Variants in EPHA5 observed in about 807,000 individuals in gnomAD.
EPHA5 encodes the protein ephrin type-A receptor 5.
EPHA5 carries 60 observed loss-of-function variants against 105.0 expected under a neutral mutation model. That is an observed-to-expected ratio of 0.57 (90% CI 0.46 to 0.71). The LOEUF is 0.71. EPHA5 is among the 30% of genes least tolerant of loss of function. The pLI is 0.00. For missense variants in EPHA5, 1,218 were observed against 1,274.7 expected, an observed-to-expected ratio of 0.96 and a Z score of 0.68; for synonymous variants, 513 against 449.1, an observed-to-expected ratio of 1.14 and a Z score of -1.80.
chr4:65,349,009 G>C (rs1280431136), intron 13 of EPHA5, among the ~76,000 whole-genome samples: 3 of 150,668 alleles, frequency 2.0e-5, no homozygotes, highest in Non-Finnish European at 4.4e-5. Context: ...AGAGACAGGG[G>C]TTTGCCATGT....
intron 5 of EPHA5, among the ~76,000 whole-genome samples, chr4:65,460,824 G>C (rs1728054361): frequency 6.6e-6 from 1 of 151,732 alleles, no homozygotes; most frequent in African/African-American, 2.4e-5. Context: ...GTGTGTGTTT[G>C]AGGTGAATGA....
At chr4:65,499,527 C>T (rs1053573881) in intron 3 of EPHA5, among the ~76,000 whole-genome samples, 2 of 151,502 alleles carry the variant, frequency 1.3e-5, no homozygotes, top group African/African-American at 4.8e-5. Context: ...CCATTGATAC[C>T]TCTCAATGAA....
chr4:65,510,531 T>C (rs936081357), intron 3 of EPHA5, among the ~76,000 whole-genome samples: 1 of 152,210 alleles, frequency 6.6e-6, no homozygotes, highest in African/African-American at 2.4e-5. Context: ...TATATGACCC[T>C]TGACATTTCC....
intron 3 of EPHA5, chr4:65,573,680 A>T (rs1740475712): frequency 1.3e-6 from 2 of 1,598,056 alleles, no homozygotes. Context: ...GGAAGTACTC[A>T]GCCGCTAAAT....
intron 3 of EPHA5, among the ~76,000 whole-genome samples, chr4:65,566,491 T>C (rs1739547546): frequency 1.3e-5 from 2 of 151,804 alleles, no homozygotes. Context: ...ATTTGCTAAA[T>C]CAATTTCACG....
chr4:65,356,313 C>T (rs1022944468), intron 11 of EPHA5, among the ~76,000 whole-genome samples: 1 of 151,404 alleles, frequency 6.6e-6, no homozygotes, highest in Non-Finnish European at 1.5e-5. Flanking sequence ...ACTGCTCACC[C>T]AAGGTCTACT....
In EPHA5 at chr4:65,422,626, G is replaced by A. The variant is rs142501656; in HGVS notation, c.1403-2061C>T. 1.2e-3 allele frequency among the ~76,000 whole-genome samples: 185 copies of A among 152,106 alleles called. 1 individual carries two copies. Among genetic ancestry groups the A allele is most frequent in the African/African-American group, 4.2e-3 (176 of 41,546 alleles). On this transcript the variant is annotated intron_variant, in intron 5 of 16. Transcript: ENST00000613740. ...AGTATAAAATAATTTCCAAACTTCTGAGTTGTAGCTTTAAGATATGTGGAA... is the reference window on the plus strand; with the variant it reads ...AGTATAAAATAATTTCCAAACTTCTAAGTTGTAGCTTTAAGATATGTGGAA...
intron 3 of EPHA5, among the ~76,000 whole-genome samples, chr4:65,576,064 A>G (rs1194107898): frequency 1.3e-5 from 1 of 74,310 alleles, no homozygotes; most frequent in African/African-American, 5.2e-5. Flanking sequence ...GAAAGAAAAG[A>G]AAAGAAAAGA....
At chr4:65,377,076 CAA>C in intron 8 of EPHA5, 4 of 1,605,724 alleles carry the variant, frequency 2.5e-6, no homozygotes, top group Middle Eastern at 3.3e-4. Flanking sequence ...GAAAAGCAAA[CAA>C]GAGAGCCCAA....
intron 3 of EPHA5, among the ~76,000 whole-genome samples, chr4:65,549,264 T>C (rs1737666885): frequency 6.6e-6 from 1 of 152,130 alleles, no homozygotes; most frequent in Admixed American, 6.6e-5. Context: ...AACACAGAGC[T>C]GATCAAAAGC....
Position 65,518,396 on chromosome 4 carries a change from T to A in EPHA5, c.911-22853A>T, listed in dbSNP as rs188310412. On this transcript the variant is annotated intron_variant, in intron 3 of 16. Transcript: ENST00000613740. ...TCATTTTGCCATATTTTTGTTTGTT[T>A]GTAAATACATGTACTTATATTCACA... Among the ~76,000 whole-genome samples the A allele has an allele frequency of 1.1e-4, 16 of 151,908 alleles. No individual in the cohort carries two copies. The East Asian group carries it at 3.1e-3, about 29-fold the overall frequency.
Position 65,360,401 on chromosome 4 carries a change from G to T in EPHA5, c.2173+4616C>A, listed in dbSNP as rs182246511. On this transcript the variant is annotated intron_variant, in intron 11 of 16. Coordinates refer to ENST00000613740, the MANE Select transcript of EPHA5 (RefSeq NM_001281766.3). ...CATGTACAGAATGATGAAATATGAG[G>T]TTGGTTATATTCACTGTTTAAGAGT... is the stretch of plus-strand genomic sequence containing the variant. 2.4e-3 allele frequency among the ~76,000 whole-genome samples: 359 copies of T among 151,754 alleles called. 1 individual carries two copies. The highest frequency in any genetic ancestry group is 8.3e-3 in the African/African-American group (344 of 41,486).
At chr4:65,459,983 T>G (rs1035688879) in intron 5 of EPHA5, among the ~76,000 whole-genome samples, 2 of 151,748 alleles carry the variant, frequency 1.3e-5, no homozygotes, top group Non-Finnish European at 1.5e-5. Context: ...GGAACCCTAT[T>G]CAAACCATAT....
At chr4:65,510,005 T>A (rs2149258272) in intron 3 of EPHA5, among the ~76,000 whole-genome samples, 1 of 151,748 alleles carries the variant, frequency 6.6e-6, no homozygotes, top group Middle Eastern at 3.5e-3. Context: ...AAGTCTATTC[T>A]ATGCAATTTC....
At chr4:65,618,410 A>G (rs1423893515) in intron 2 of EPHA5, among the ~76,000 whole-genome samples, 2 of 152,184 alleles carry the variant, frequency 1.3e-5, no homozygotes, top group Non-Finnish European at 1.5e-5. Context: ...TTTAAAAGAA[A>G]AGAAAAAAAT....
intron 1 of EPHA5, among the ~76,000 whole-genome samples, chr4:65,648,834 G>A (rs932990317): frequency 6.6e-6 from 1 of 152,188 alleles, no homozygotes; most frequent in Non-Finnish European, 1.5e-5. Context: ...GTCCCATTCA[G>A]CACAGATGTA....
chr4:65,387,569 C>A (rs1345676394), intron 8 of EPHA5, among the ~76,000 whole-genome samples: 1 of 151,770 alleles, frequency 6.6e-6, no homozygotes, highest in Non-Finnish European at 1.5e-5. Flanking sequence ...CATCATTAAG[C>A]CTTAAAAAAA....
At chr4:65,573,476 T>C in intron 3 of EPHA5, 1 of 1,531,476 alleles carries the variant, frequency 6.5e-7, no homozygotes, top group Non-Finnish European at 8.7e-7. Context: ...GTGAAAAAGT[T>C]TAGAAGCCAG....
rs183072458 is a variant in EPHA5 at position 65,573,515 on chromosome 4, G to A, written c.910+28126C>T. On this transcript the variant is annotated intron_variant, in intron 3 of 16. Coordinates refer to ENST00000613740, the MANE Select transcript of EPHA5 (RefSeq NM_001281766.3). ...CTAAAGAGAAGAAACCCGAAGCCAA[G>A]AAGACTGATGCTGGTGGCAAGGTGA... 6,448 of 1,593,916 alleles carry A rather than the reference G, an allele frequency of 4.0e-3. 23 individuals are homozygous for A. Among genetic ancestry groups the A allele is most frequent in the Middle Eastern group, 0.01 (61 of 5,978 alleles).
Sources: allele counts gnomAD v4.1 joint callset (sites outside exome capture counted in the v4.1 genomes callset), GRCh38; gene constraint gnomAD v4.1.1; transcripts MANE v1.5; gene names NCBI Gene and HGNC (gene_info 2026-07-23, HGNC 2026-07-21).